The following SLC5A12 variants were observed in gnomAD, a reference collection of about 807,000 sequenced individuals.
SLC5A12 encodes solute carrier family 5 member 12, also known as sodium-coupled monocarboxylate transporter 2.
SLC5A12 carries 46 observed loss-of-function variants against 72.7 expected under a neutral mutation model. The ratio of observed to expected loss-of-function variants is 0.63; its 90% CI spans 0.50 to 0.81. The LOEUF (loss-of-function observed/expected upper bound fraction) is 0.81, where lower values mean the gene tolerates loss of function less well. Among genes scored for constraint, SLC5A12 ranks in the 30% least tolerant of loss-of-function variants. The pLI, the probability that SLC5A12 is intolerant of heterozygous loss-of-function variation, is 0.00. For synonymous variants in SLC5A12, 275 were observed against 264.4 expected, an observed-to-expected ratio of 1.04 and a Z score of -0.39; for missense variants, 683 against 740.7, an observed-to-expected ratio of 0.92 and a Z score of 0.90.
chr11:26,686,369 G>T, intron 10 of SLC5A12, 108 bp downstream of exon 10: 2 of 855,406 alleles, frequency 2.3e-6, no homozygotes, highest in Middle Eastern at 2.3e-4. Context: ...TTTGGAGCTG[G>T]TATCATTAAA....
chr11:26,706,757 T>C (rs115359577), intron 4 of SLC5A12, among the ~76,000 whole-genome samples: 1,772 of 151,526 alleles, frequency 0.012, 34 homozygotes, highest in African/African-American at 0.041. Flanking sequence ...TCTATTTTTA[T>C]ACAGTTTGGG....
At chr11:26,705,124 A>AT (rs1382171389) in intron 4 of SLC5A12, among the ~76,000 whole-genome samples, 1 of 152,028 alleles carries the variant, frequency 6.6e-6, no homozygotes, top group Non-Finnish European at 1.5e-5. Flanking sequence ...TTTAAGCCCT[A>AT]TCCCCAAGGG....
rs1168754661 is a variant in SLC5A12 at position 26,721,496 on chromosome 11, T to C, written c.219A>G (p.Glu73=). 1.9e-6 allele frequency: 3 copies of C among 1,613,934 alleles called. No individual in the cohort carries two copies. The highest frequency in any genetic ancestry group is 1.7e-5 in the Admixed American group (1 of 59,986). The change falls in exon 1 of 15, where the codon GAA becomes GAG. Residue 73 remains glutamate, a synonymous_variant. Coordinates refer to ENST00000396005, the MANE Select transcript of SLC5A12 (RefSeq NM_178498.4). ...SAVTVLGTPS[E]VYRFGASFLV... is the part of the protein sequence containing the mutation. ...GGAAGGATGCCCCAAAGCGGTAGAC[T>C]TCAGAAGGGGTCCCCAGGACCGTGA... is the stretch of plus-strand genomic sequence containing the variant.
rs143310083 is a variant in SLC5A12, at chr11:26,708,886, G to T, written c.525+426C>A. Among the ~76,000 whole-genome samples, 12 of 152,130 alleles carry T rather than the reference G, an allele frequency of 7.9e-5. 1 individual carries two copies. The South Asian group carries it at 2.5e-3, about 32-fold the overall frequency. On this transcript the variant is annotated intron_variant, in intron 4 of 14. Transcript: ENST00000396005. Reference sequence around the variant, plus strand: ...GTGAAATCCTCAAGTTTATAAAATAGCAGCCATCACTGCTCACTTGTATGT... The same window carrying T: ...GTGAAATCCTCAAGTTTATAAAATATCAGCCATCACTGCTCACTTGTATGT...
intron 14 of SLC5A12, among the ~76,000 whole-genome samples, chr11:26,672,301 G>C (rs753655388): frequency 1.3e-5 from 2 of 152,062 alleles, no homozygotes; most frequent in Non-Finnish European, 2.9e-5. Flanking sequence ...CATGATATGG[G>C]TTAGGCTTCC....
chr11:26,678,638 A>T, intron 13 of SLC5A12, 74 bp downstream of exon 13: 1 of 1,085,848 alleles, frequency 9.2e-7, no homozygotes. Context: ...AAGCAATAAG[A>T]CAGACAGCCA....
intron 4 of SLC5A12, 121 bp downstream of exon 4, chr11:26,709,191 A>G: frequency 1.6e-6 from 1 of 638,424 alleles, no homozygotes. Flanking sequence ...ATAAGCCGAC[A>G]TACTTCTGCT....
In SLC5A12 at chr11:26,680,411, T is replaced by TCATATATATATG. The variant is rs1554990407; in HGVS notation, c.1475+643_1475+644insCATATATATATG. Among the ~76,000 whole-genome samples the TCATATATATATG allele has an allele frequency of 1.6e-4, 8 of 51,400 alleles. No individual in the cohort carries two copies. In the East Asian group the frequency reaches 2.8e-3, roughly 18 times the overall value. The allele number at this position is 51,400 out of a possible 152,430, so 33.7% of individuals were successfully genotyped here. A position where few individuals can be genotyped will look rare whatever the true frequency, so the allele number is the denominator to read the frequency against. On this transcript the variant is annotated intron_variant, in intron 12 of 14. Transcript: ENST00000396005. ...TATATATTCATATATATATATATAT[T>TCATATATATATG]TCCTCATTTTTCCATCAAGGGCTCT...
chr11:26,678,681 T>C (rs772712649), intron 13 of SLC5A12, 31 bp downstream of exon 13: 9 of 1,524,034 alleles, frequency 5.9e-6, no homozygotes, highest in Middle Eastern at 1.7e-4. Flanking sequence ...CCATATCTTC[T>C]TTAGTCCCAA....
At chr11:26,705,816 C>A (rs779544794) in intron 4 of SLC5A12, among the ~76,000 whole-genome samples, 46 of 151,784 alleles carry the variant, frequency 3.0e-4, no homozygotes, top group Non-Finnish European at 5.4e-4. Flanking sequence ...TGGCATAAGG[C>A]AAGAGAACAA....
chr11:26,703,968 G>T, intron 4 of SLC5A12, 21 bp from the exon 5 acceptor site: 2 of 1,612,650 alleles, frequency 1.2e-6, no homozygotes, highest in South Asian at 1.1e-5. Flanking sequence ...GAGAATGTTT[G>T]AGTCCTTGAA....
At chr11:26,682,216 T>C (rs886951409) in intron 11 of SLC5A12, among the ~76,000 whole-genome samples, 3 of 152,122 alleles carry the variant, frequency 2.0e-5, no homozygotes, top group Non-Finnish European at 2.9e-5. Flanking sequence ...TTTTATGTAA[T>C]ATTTTTGTGC....
At chr11:26,674,153 G>A (rs111780277) in intron 13 of SLC5A12, among the ~76,000 whole-genome samples, 67 of 152,122 alleles carry the variant, frequency 4.4e-4, no homozygotes, top group African/African-American at 1.6e-3. Flanking sequence ...AGATGTAAAG[G>A]CCAATGATTT....
chr11:26,712,404 G>A (rs935273137), intron 2 of SLC5A12, among the ~76,000 whole-genome samples: 6 of 152,052 alleles, frequency 3.9e-5, no homozygotes, highest in East Asian at 1.9e-4. Context: ...AGTGAAATAC[G>A]TGTTAAGAAA....
chr11:26,674,458 G>A (rs564729962), intron 13 of SLC5A12, among the ~76,000 whole-genome samples: 2 of 152,088 alleles, frequency 1.3e-5, no homozygotes, highest in African/African-American at 4.8e-5. Flanking sequence ...GGAATGCAGT[G>A]GCATGATCTC....
At chr11:26,707,724 T>C (rs1855123904) in intron 4 of SLC5A12, among the ~76,000 whole-genome samples, 1 of 152,104 alleles carries the variant, frequency 6.6e-6, no homozygotes, top group Non-Finnish European at 1.5e-5. Context: ...CAAAATATTT[T>C]GTTCTTGAGA....
intron 11 of SLC5A12, 79 bp from the exon 12 acceptor site, chr11:26,681,300 G>T: frequency 8.5e-7 from 1 of 1,182,204 alleles, no homozygotes; most frequent in Non-Finnish European, 1.1e-6. Context: ...GGAGTTCTAT[G>T]CCTTAGAGAT....
chr11:26,691,069 T>C (rs1854659041), intron 9 of SLC5A12, among the ~76,000 whole-genome samples: 1 of 152,062 alleles, frequency 6.6e-6, no homozygotes, highest in Non-Finnish European at 1.5e-5. Context: ...AGGACTTATT[T>C]CCTCTTTATA....
At chr11:26,701,709 T>C (rs757791428) in intron 6 of SLC5A12, among the ~76,000 whole-genome samples, 16 of 152,184 alleles carry the variant, frequency 1.1e-4, no homozygotes, top group Non-Finnish European at 1.5e-4. Flanking sequence ...TGGTGGCTTC[T>C]GATTAGTTAG....
Sources: gnomAD v4.1 joint callset for allele counts (sites outside exome capture counted in the v4.1 genomes callset) on GRCh38, gnomAD v4.1.1 for gene constraint, MANE v1.5 for transcripts, NCBI Gene and HGNC (gene_info 2026-07-23, HGNC 2026-07-21) for gene names.